ABCG4: variants seen among roughly 807,000 people sequenced by gnomAD.
ABCG4 encodes ATP binding cassette subfamily G member 4.
A neutral mutation model predicts 64.6 loss-of-function variants in ABCG4; 35 were observed. That is an observed-to-expected ratio of 0.54 (90% CI 0.41 to 0.72). The LOEUF (loss-of-function observed/expected upper bound fraction) is 0.72. ABCG4 is among the 30% of genes least tolerant of loss of function. The pLI, the probability that ABCG4 is intolerant of heterozygous loss-of-function variation, is 0.00. For missense variants in ABCG4, 610 were observed against 846.3 expected (o/e 0.72, Z 3.46); for synonymous variants, 326 against 348.2 (o/e 0.94, Z 0.71).
rs761679014 is a variant in ABCG4 at position 119,158,239 on chromosome 11, G to A, written c.1074G>A (p.Val358=). 1.3e-6 allele frequency: 2 copies of A among 1,586,348 alleles called. No homozygotes were observed. The highest frequency in any genetic ancestry group is 1.1e-5 in the South Asian group (1 of 88,438). Residue 358 remains valine, a synonymous_variant, in exon 10 of 15, where the codon GTG becomes GTA. Coordinates refer to ENST00000619701, the MANE Select transcript of ABCG4 (RefSeq NM_022169.5). This position sits in a 1 kb window ranked among gnomAD's most constrained non-coding sequence, Gnocchi z 4.5. ...ATCCAATTTCTTCTTCCCAGGAAGT[G>A]GATCCCATTGAAAGCCACACCTTTG... The part of the protein sequence containing the change: ...PAPCPPCPPE[V]DPIESHTFAT...
At position 119,149,663 on chromosome 11, in the gene ABCG4, G is replaced by A. The variant is rs892744200; in HGVS notation, c.-12-291G>A. The A allele has an allele frequency of 6.1e-5, 27 of 444,644 alleles. No individual in the cohort carries two copies. Among genetic ancestry groups the A allele is most frequent in the African/African-American group, 4.1e-4 (21 of 51,116 alleles). The allele number at this position is 444,644 out of a possible 1,614,324, so 27.5% of individuals were successfully genotyped here. A position where few individuals can be genotyped will look rare whatever the true frequency, so the allele number is the denominator to read the frequency against. ...TTCTCCCCCGCCCCCTATTCCTTCA[G>A]TCCCCAGGGGCTGCTGGCCTGCGGG... is the stretch of plus-strand genomic sequence containing the variant. On this transcript the variant is annotated intron_variant, in intron 1 of 14. Transcript: ENST00000619701. The surrounding 1 kb of genome is among the most constrained non-coding windows in gnomAD (Gnocchi z 8.3).
rs762566792 is a variant in ABCG4, at chr11:119,154,164, GA to G, written c.356+23del. On this transcript the variant is annotated intron_variant, in intron 3 of 14. Transcript: ENST00000619701. The surrounding 1 kb of genome is among the most constrained non-coding windows in gnomAD (Gnocchi z 7.0). ...TACAGGTAAGGAAGAGACTGGGGTG[GA>G]ATGGAGGCAGGACTCAGGAAGAAGT... The G allele has an allele frequency of 1.9e-6, 3 of 1,613,928 alleles. No individual in the cohort carries two copies. The Admixed American group carries it at 5.0e-5, about 27-fold the overall frequency.
rs1182270207 is a variant in ABCG4 at position 119,150,437 on chromosome 11, T to C, written c.238+234T>C. Among the ~76,000 whole-genome samples, 1 of 152,226 alleles carries C rather than the reference T, an allele frequency of 6.6e-6. No homozygotes were observed. The highest frequency in any genetic ancestry group is 1.9e-4 in the East Asian group (1 of 5,198). ...TAGGTGCAATTGGTTATTGAAGCTG[T>C]ATCTTCTAAAGAGATCCCGTGACCT... On this transcript the variant is annotated intron_variant, in intron 2 of 14. Coordinates refer to ENST00000619701, the MANE Select transcript of ABCG4 (RefSeq NM_022169.5). This position sits in a 1 kb window ranked among gnomAD's most constrained non-coding sequence, Gnocchi z 4.3.
intron 2 of ABCG4, 95 bp from the exon 3 acceptor site, chr11:119,153,927 GCTAC>G (rs1565813554): frequency 2.0e-6 from 2 of 990,952 alleles, no homozygotes; most frequent in African/African-American, 1.6e-5. Flanking sequence ...CTGAGTAGGG[GCTAC>G]CTATTTCACT....
chr11:119,158,909 A>G lies in ABCG4; in HGVS notation c.1417A>G (p.Met473Val). ...SLKAYYLAKTMADVPFQVVCP... is the reference protein window; with the variant it reads ...SLKAYYLAKTVADVPFQVVCP... The stretch of plus-strand genomic sequence containing the variant: ...CAAAGCGTATTACCTGGCCAAGACC[A>G]TGGCTGACGTGCCCTTTCAGGTGGG... Residue 473 changes from methionine (M) to valine (V), a missense_variant, in exon 12 of 15, where the codon ATG becomes GTG. Physicochemically the swap from Met to Val is conservative, Grantham distance 21 (BLOSUM62 1). Coordinates refer to ENST00000619701, the MANE Select transcript of ABCG4 (RefSeq NM_022169.5). The surrounding 1 kb of genome is among the most constrained non-coding windows in gnomAD (Gnocchi z 4.5). The G allele has an allele frequency of 1.2e-6, 2 of 1,614,184 alleles. No homozygotes were observed. Among genetic ancestry groups the G allele is most frequent in the Non-Finnish European group, 1.7e-6 (2 of 1,180,026 alleles).
Position 119,155,353 on chromosome 11 carries a change from G to A in ABCG4, c.686+438G>A, listed in dbSNP as rs1005339797. Among the ~76,000 whole-genome samples the A allele has an allele frequency of 4.0e-5, 6 of 151,888 alleles. No individual in the cohort carries two copies. The highest frequency in any genetic ancestry group is 7.4e-5 in the Non-Finnish European group (5 of 67,966). ...TTTTATTTTTTTAAGATGGAGTCTC[G>A]CTCTGTCACCCAGGCTGGAGTGCAG... On this transcript the variant is annotated intron_variant, in intron 6 of 14. Transcript: ENST00000619701. This position sits in a 1 kb window ranked among gnomAD's most constrained non-coding sequence, Gnocchi z 4.5.
At position 119,158,680 on chromosome 11, in the gene ABCG4, A is replaced by T; in HGVS notation, c.1291A>T (p.Met431Leu). ...CAACACCGGCTGCCTCTTCTTCTCC[A>T]TGCTGTTCCTCATGTTCGCCGCCCT... ...FNNTGCLFFS[M>L]LFLMFAALMP... Residue 431 changes from methionine to leucine, a missense_variant, in exon 11 of 15, where the codon ATG (methionine) becomes TTG (leucine). By Grantham distance (15) the Met-to-Leu change is conservative. Coordinates refer to ENST00000619701, the MANE Select transcript of ABCG4 (RefSeq NM_022169.5). The surrounding 1 kb of genome is among the most constrained non-coding windows in gnomAD (Gnocchi z 4.5). The T allele has an allele frequency of 6.2e-7, 1 of 1,614,076 alleles. No individual in the cohort carries two copies. Among genetic ancestry groups the T allele is most frequent in the Non-Finnish European group, 8.5e-7 (1 of 1,180,016 alleles).
Position 119,158,332 on chromosome 11 carries a change from G to A in ABCG4, c.1167G>A (p.Thr389=), listed in dbSNP as rs905395186. Residue 389 remains threonine (T), a splice_region_variant and synonymous_variant, in exon 10 of 15, where the codon ACG becomes ACA. Coordinates refer to ENST00000619701, the MANE Select transcript of ABCG4 (RefSeq NM_022169.5). This position sits in a 1 kb window ranked among gnomAD's most constrained non-coding sequence, Gnocchi z 4.5. The part of the protein sequence containing the change: ...KRTFLSILRD[T]VLTHLRFMSH... ...CCTTCCTGTCCATCCTCAGGGACAC[G>A]GTGAGGCGTCAGGCTGGGGGAGAGG... The A allele has an allele frequency of 1.9e-6, 3 of 1,613,872 alleles. No homozygotes were observed. Among genetic ancestry groups the A allele is most frequent in the East Asian group, 2.2e-5 (1 of 44,876 alleles).
intron 12 of ABCG4, among the ~76,000 whole-genome samples, chr11:119,159,537 A>G (rs976673360): frequency 2.0e-5 from 3 of 152,266 alleles, no homozygotes; most frequent in Non-Finnish European, 4.4e-5. Flanking sequence ...TGACAATAGT[A>G]TCTACCTCAG....
rs1434022547 is a variant in ABCG4, at chr11:119,156,513, T to C, written c.811-51T>C. 1.2e-6 allele frequency: 2 copies of C among 1,613,926 alleles called. No homozygotes were observed. The highest frequency in any genetic ancestry group is 1.7e-5 in the Admixed American group (1 of 59,994). ...AGATGGAGGGATGGAAGGGGGTCAG[T>C]AGGGGTGCCTGGCCCGCTGTTCCTT... On this transcript the variant is annotated intron_variant, in intron 7 of 14. Coordinates refer to ENST00000619701, the MANE Select transcript of ABCG4 (RefSeq NM_022169.5). This position sits in a 1 kb window ranked among gnomAD's most constrained non-coding sequence, Gnocchi z 5.5.
In ABCG4 at chr11:119,150,290, A is replaced by C; in HGVS notation, c.238+87A>C. The C allele has an allele frequency of 1.3e-6, 2 of 1,526,376 alleles. No individual in the cohort carries two copies. Among genetic ancestry groups the C allele is most frequent in the East Asian group, 2.3e-5 (1 of 44,054 alleles). 94.6% of individuals were successfully genotyped at this position (1,526,376 alleles called of 1,614,324 possible). A position where few individuals can be genotyped will look rare whatever the true frequency, so the allele number is the denominator to read the frequency against. On this transcript the variant is annotated intron_variant, in intron 2 of 14. Transcript: ENST00000619701. This position sits in a 1 kb window ranked among gnomAD's most constrained non-coding sequence, Gnocchi z 4.3. ...TGAGGCCTGGGTGTCCCATGTTCGGAAAGTCCTGCACCAGTGGGCTCTGTG... is the reference window on the plus strand; with the variant it reads ...TGAGGCCTGGGTGTCCCATGTTCGGCAAGTCCTGCACCAGTGGGCTCTGTG...
chr11:119,154,936 C>A lies in ABCG4; in HGVS notation c.686+21C>A. On this transcript the variant is annotated intron_variant, in intron 6 of 14. Coordinates refer to ENST00000619701, the MANE Select transcript of ABCG4 (RefSeq NM_022169.5). This position sits in a 1 kb window ranked among gnomAD's most constrained non-coding sequence, Gnocchi z 7.0. ...ACCAGGTAGTTCTCTCCACCCTTTCCCACCAGGATACCCCTCTCCTCTCGG... is the reference window on the plus strand; with the variant it reads ...ACCAGGTAGTTCTCTCCACCCTTTCACACCAGGATACCCCTCTCCTCTCGG... 6.3e-7 allele frequency: 1 copy of A among 1,594,736 alleles called. No homozygotes were observed. Among genetic ancestry groups the A allele is most frequent in the South Asian group, 1.1e-5 (1 of 89,652 alleles).
Position 119,161,132 on chromosome 11 carries a change from C to T in ABCG4, c.*26C>T. 2 of 1,598,316 alleles carry T rather than the reference C, an allele frequency of 1.3e-6. No homozygotes were observed. The highest frequency in any genetic ancestry group is 1.7e-6 in the Non-Finnish European group (2 of 1,169,742). On this transcript the variant is annotated 3_prime_UTR_variant, in exon 15 of 15. Transcript: ENST00000619701. ...AGGCTTGCCCCAGCCTGTACCCCAG[C>T]CCCTGCAGCAGGAAGCCCCCAGTCC... is the stretch of plus-strand genomic sequence containing the variant.
intron 2 of ABCG4, among the ~76,000 whole-genome samples, chr11:119,151,908 G>A (rs1363318780): frequency 1.3e-5 from 2 of 152,188 alleles, no homozygotes; most frequent in African/African-American, 4.8e-5. Context: ...CCCGCTCTTG[G>A]CCTTGCTTTT....
chr11:119,158,985 C>T lies in ABCG4; in HGVS notation c.1437+56C>T. 6.4e-7 allele frequency: 1 copy of T among 1,551,062 alleles called. No individual in the cohort carries two copies. The highest frequency in any genetic ancestry group is 1.1e-5 in the South Asian group (1 of 89,736). On this transcript the variant is annotated intron_variant, in intron 12 of 14. Coordinates refer to ENST00000619701, the MANE Select transcript of ABCG4 (RefSeq NM_022169.5). The surrounding 1 kb of genome is among the most constrained non-coding windows in gnomAD (Gnocchi z 4.5). ...CTCCATCTTGTCTTGCTCCTTCTATCCTTGCTTTCTTGCCTCCCTCAAACT... is the reference window on the plus strand; with the variant it reads ...CTCCATCTTGTCTTGCTCCTTCTATTCTTGCTTTCTTGCCTCCCTCAAACT...
chr11:119,160,493 C>T lies in ABCG4; in HGVS notation c.1597-45C>T, dbSNP rs370365218. 6.2e-7 allele frequency: 1 copy of T among 1,608,188 alleles called. No individual in the cohort carries two copies. ...GGAGCTCTAGGAAACCTGGGTTTGTCCTGGTCACCCCTATGATGGCCTGGC... is the reference window on the plus strand; with the variant it reads ...GGAGCTCTAGGAAACCTGGGTTTGTTCTGGTCACCCCTATGATGGCCTGGC... On this transcript the variant is annotated intron_variant, in intron 13 of 14. Coordinates refer to ENST00000619701, the MANE Select transcript of ABCG4 (RefSeq NM_022169.5). The surrounding 1 kb of genome is among the most constrained non-coding windows in gnomAD (Gnocchi z 4.6).
rs1247262186 is a variant in ABCG4 at position 119,150,076 on chromosome 11, G to A, written c.111G>A (p.Leu37=). 1 of 1,614,162 alleles carries A rather than the reference G, an allele frequency of 6.2e-7. No homozygotes were observed. The highest frequency in any genetic ancestry group is 2.2e-5 in the East Asian group (1 of 44,880). The change falls in exon 2 of 15, where the codon CTG becomes CTA. Residue 37 remains leucine (L), a synonymous_variant. Coordinates refer to ENST00000619701, the MANE Select transcript of ABCG4 (RefSeq NM_022169.5). The surrounding 1 kb of genome is among the most constrained non-coding windows in gnomAD (Gnocchi z 4.3). ...GAEPPVLTTH[L]KKVENHITEA... ...AACCCCCTGTGCTGACCACGCACCT[G>A]AAGAAGGTGGAGAACCACATCACTG...
chr11:119,154,452 T>A lies in ABCG4; in HGVS notation c.489+60T>A. 6.2e-7 allele frequency: 1 copy of A among 1,614,026 alleles called. No homozygotes were observed. Among genetic ancestry groups the A allele is most frequent in the South Asian group, 1.1e-5 (1 of 91,092 alleles). ...CCCCCTCTGTCTGCTGTCGCCACCTTCACCATTGGCGGAGGGTTCAAGGCA... is the reference window on the plus strand; with the variant it reads ...CCCCCTCTGTCTGCTGTCGCCACCTACACCATTGGCGGAGGGTTCAAGGCA... On this transcript the variant is annotated intron_variant, in intron 4 of 14. Coordinates refer to ENST00000619701, the MANE Select transcript of ABCG4 (RefSeq NM_022169.5). This position sits in a 1 kb window ranked among gnomAD's most constrained non-coding sequence, Gnocchi z 7.0.
rs958961624 is a variant in ABCG4 at position 119,160,791 on chromosome 11, G to A, written c.1716-90G>A. ...AGGGGCACCCTGGCTGCACCCCAGG[G>A]ATGACAGCATTGCAGCTGGGCTCTG... On this transcript the variant is annotated intron_variant, in intron 14 of 14. Transcript: ENST00000619701. This position sits in a 1 kb window ranked among gnomAD's most constrained non-coding sequence, Gnocchi z 4.6. The A allele has an allele frequency of 2.0e-6, 3 of 1,517,532 alleles. No homozygotes were observed. The highest frequency in any genetic ancestry group is 2.7e-6 in the Non-Finnish European group (3 of 1,101,446). 94.0% of individuals were successfully genotyped at this position (1,517,532 alleles called of 1,614,324 possible). A position where few individuals can be genotyped will look rare whatever the true frequency, so the allele number is the denominator to read the frequency against.
Sources: allele counts gnomAD v4.1 joint callset (sites outside exome capture counted in the v4.1 genomes callset), GRCh38; gene constraint gnomAD v4.1.1; non-coding constraint Gnocchi (gnomAD v3.1); transcripts MANE v1.5; gene names NCBI Gene and HGNC (gene_info 2026-07-23, HGNC 2026-07-21).